ABCA7: variants seen among roughly 807,000 people sequenced by gnomAD.
ABCA7 encodes the protein phospholipid-transporting ATPase ABCA7.
Under a neutral mutation model 227.6 loss-of-function variants are expected in ABCA7, and 261 were observed. That is an observed-to-expected ratio of 1.15 (90% confidence interval 1.04 to 1.27). The LOEUF is 1.27. Among genes scored for constraint, ABCA7 ranks in the 50% most tolerant of loss-of-function variants. The pLI, the probability that ABCA7 is intolerant of heterozygous loss-of-function variation, is 0.00. For missense variants in ABCA7, 3,331 were observed against 2,924.5 expected (o/e 1.14, Z -3.21); for synonymous variants, 1,488 against 1,279.7 (o/e 1.16, Z -3.47).
rs113206158 is a variant in ABCA7 at position 1,050,588 on chromosome 19, GGTGAAACA to G, written c.2553-325_2553-318del. On this transcript the variant is annotated intron_variant, in intron 18 of 46. Coordinates refer to ENST00000263094, the MANE Select transcript of ABCA7 (RefSeq NM_019112.4). ...AGATTGAGATCATCCTGGCTAACAT[GGTGAAACA>G]GTGAAACCCCGTCTCTACTAAAAAT... Among the ~76,000 whole-genome samples the G allele has an allele frequency of 2.9e-3, 434 of 151,192 alleles. 5 individuals are homozygous for G. The highest frequency in any genetic ancestry group is 9.7e-3 in the African/African-American group (400 of 41,228).
intron 18 of ABCA7, 23 bp downstream of exon 18, chr19:1,049,460 C>T: frequency 1.4e-6 from 2 of 1,464,712 alleles, no homozygotes; most frequent in Non-Finnish European, 1.8e-6. Context: ...CCACTCCCTC[C>T]CCGTGAGCCC....
At chr19:1,048,734 G>C (rs1599606508) in intron 16 of ABCA7, among the ~76,000 whole-genome samples, 161 bp from the exon 17 acceptor site, 1 of 150,178 alleles carries the variant, frequency 6.7e-6, no homozygotes, top group South Asian at 2.1e-4. Flanking sequence ...ACGTGAACTG[G>C]GGAGGCGGAG....
chr19:1,059,764 A>G (rs978161299), intron 40 of ABCA7, among the ~76,000 whole-genome samples: 6 of 131,950 alleles, frequency 4.5e-5, no homozygotes, highest in South Asian at 5.0e-4. Flanking sequence ...GGGCTTCACC[A>G]TATTAGCCAG....
chr19:1,044,899 C>A, intron 11 of ABCA7, 103 bp from the exon 12 acceptor site: 1 of 1,507,718 alleles, frequency 6.6e-7, no homozygotes, highest in South Asian at 1.2e-5. Flanking sequence ...CGTGGGCCTA[C>A]GAGGGGAAAA....
chr19:1,055,973 C>G (rs774249068), intron 31 of ABCA7, 34 bp downstream of exon 31: 32 of 1,572,160 alleles, frequency 2.0e-5, no homozygotes, highest in Non-Finnish European at 2.8e-5. Context: ...TCCCCTGCCC[C>G]AGTTCCACTC....
At chr19:1,047,719 G>T in intron 16 of ABCA7, 65 bp downstream of exon 16, 6 of 1,485,578 alleles carry the variant, frequency 4.0e-6, no homozygotes, top group Non-Finnish European at 5.4e-6. Flanking sequence ...TGAGCTAGGG[G>T]TGTGGCCTCC....
rs371383152 is a variant in ABCA7 at position 1,054,185 on chromosome 19, C to T, written c.3578-8C>T. 3.5e-5 allele frequency: 56 copies of T among 1,610,202 alleles called. No individual in the cohort carries two copies. Among genetic ancestry groups the T allele is most frequent in the Non-Finnish European group, 4.4e-5 (52 of 1,178,364 alleles). On this transcript the variant is annotated splice_region_variant and splice_polypyrimidine_tract_variant and intron_variant, in intron 26 of 46. Transcript: ENST00000263094. The surrounding 1 kb of genome is among the most constrained non-coding windows in gnomAD (Gnocchi z 4.8). ...CAGCGTGAGCACTGACCCTCTCATCCCTCACAGCTGGGTCAGCCCCAGAGA... is the reference window on the plus strand; with the variant it reads ...CAGCGTGAGCACTGACCCTCTCATCTCTCACAGCTGGGTCAGCCCCAGAGA...
rs1427275199 is a variant in ABCA7 at position 1,051,260 on chromosome 19, C to T, written c.2790C>T (p.Val930=). The T allele has an allele frequency of 1.2e-6, 2 of 1,607,708 alleles. No homozygotes were observed. Among genetic ancestry groups the T allele is most frequent in the African/African-American group, 2.7e-5 (2 of 75,016 alleles). Residue 930 remains valine, a synonymous_variant, in exon 20 of 47, where the codon GTC becomes GTT. Transcript: ENST00000263094. ...GTCTGCTGCAGGATGTGGGGCTGGT[C>T]TCCAAGCAGAGTGTGCAGACTCGCC... ...QDRLLQDVGL[V]SKQSVQTRHL... is the part of the protein sequence containing the mutation.
At position 1,045,401 on chromosome 19, in the gene ABCA7, G is replaced by C. The variant is rs1011294473; in HGVS notation, c.1445+170G>C. The C allele has an allele frequency of 4.4e-6, 3 of 682,694 alleles. No homozygotes were observed. The African/African-American group carries it at 5.5e-5, about 13-fold the overall frequency. The allele number at this position is 682,694 out of a possible 1,614,324, so 42.3% of individuals were successfully genotyped here. ...GGGCTCCTTAGACCAATAGGGGCCC[G>C]TGATGGGCGGGGCCTAGGTGCATGA... On this transcript the variant is annotated intron_variant, in intron 12 of 46. Transcript: ENST00000263094.
chr19:1,057,448 C>T lies in ABCA7; in HGVS notation c.4880+19C>T, dbSNP rs1396994984. 1 of 1,599,780 alleles carries T rather than the reference C, an allele frequency of 6.3e-7. No individual in the cohort carries two copies. On this transcript the variant is annotated intron_variant, in intron 35 of 46. Coordinates refer to ENST00000263094, the MANE Select transcript of ABCA7 (RefSeq NM_019112.4). ...TGTATGGGTGAGGCCCCCAGTCCCT[C>T]AGGGCCTATTCTTACTGACCCCTTA...
chr19:1,046,628 C>T (rs1449985930), intron 13 of ABCA7, among the ~76,000 whole-genome samples, 174 bp from the exon 14 acceptor site: 1 of 152,212 alleles, frequency 6.6e-6, no homozygotes, highest in East Asian at 1.9e-4. Flanking sequence ...CAGGGACAGC[C>T]TGGGCTGCAC....
At chr19:1,057,147 C>T (rs2042328492) in intron 34 of ABCA7, 63 bp downstream of exon 34, 3 of 1,572,926 alleles carry the variant, frequency 1.9e-6, no homozygotes, top group South Asian at 1.2e-5. Flanking sequence ...TGTCTGGCCC[C>T]TTGTAGGCAG....
rs2040140932 is a variant in ABCA7 at position 1,042,403 on chromosome 19, G to A, written c.498+6G>A. ...TGACGTCACTGCTGCGCACGGTAGG[G>A]TGTCGGGGCGGGACCGCGCTGACTT... On this transcript the variant is annotated splice_donor_region_variant and intron_variant, in intron 6 of 46. Coordinates refer to ENST00000263094, the MANE Select transcript of ABCA7 (RefSeq NM_019112.4). The A allele has an allele frequency of 6.2e-7, 1 of 1,610,492 alleles. No individual in the cohort carries two copies.
chr19:1,063,299 C>G (rs2042801993), intron 42 of ABCA7, among the ~76,000 whole-genome samples: 1 of 114,128 alleles, frequency 8.8e-6, no homozygotes. Context: ...TATGGCCCTG[C>G]CCCACACCCA....
Position 1,046,792 on chromosome 19 carries a change from C to T in ABCA7, c.1623-10C>T, listed in dbSNP as rs1344743105. 1.3e-6 allele frequency: 2 copies of T among 1,535,494 alleles called. No individual in the cohort carries two copies. The highest frequency in any genetic ancestry group is 1.7e-6 in the Non-Finnish European group (2 of 1,145,974). ...GTCTCCAGCCTCCACCCCAGCCGTC[C>T]CCACCCCAGGTTCCTGCGTGTGCTG... On this transcript the variant is annotated splice_polypyrimidine_tract_variant and intron_variant, in intron 13 of 46. Coordinates refer to ENST00000263094, the MANE Select transcript of ABCA7 (RefSeq NM_019112.4).
chr19:1,057,116 A>G, intron 34 of ABCA7, 32 bp downstream of exon 34: 1 of 1,598,596 alleles, frequency 6.3e-7, no homozygotes, highest in South Asian at 1.1e-5. Context: ...GTGGGGGCCC[A>G]GCCACTGCTT....
intron 40 of ABCA7, among the ~76,000 whole-genome samples, chr19:1,061,576 G>A (rs769608007): frequency 5.7e-4 from 86 of 151,634 alleles, no homozygotes; most frequent in Non-Finnish European, 1.0e-3. Context: ...GCAGGCGTCT[G>A]TAGCCCCAGC....
rs779361772 is a variant in ABCA7 at position 1,049,304 on chromosome 19, G to C, written c.2419G>C (p.Val807Leu). ...EEAPPGLSPG[V>L]SVRSLEKRFP... ...GGCACCGCCCGGCCTGAGTCCTGGC[G>C]TCTCCGTTCGCAGCCTGGAGAAGCG... Residue 807 changes from valine to leucine, a missense_variant, in exon 18 of 47, where the codon GTC becomes CTC. Val to Leu is a conservative substitution (Grantham distance 32, BLOSUM62 1). Coordinates refer to ENST00000263094, the MANE Select transcript of ABCA7 (RefSeq NM_019112.4). 1 of 1,611,098 alleles carries C rather than the reference G, an allele frequency of 6.2e-7. No individual in the cohort carries two copies. The highest frequency in any genetic ancestry group is 1.7e-5 in the Admixed American group (1 of 59,900).
At position 1,056,303 on chromosome 19, in the gene ABCA7, G is replaced by T; in HGVS notation, c.4417-27G>T. The T allele has an allele frequency of 6.2e-7, 1 of 1,609,230 alleles. No homozygotes were observed. On this transcript the variant is annotated intron_variant, in intron 32 of 46. Coordinates refer to ENST00000263094, the MANE Select transcript of ABCA7 (RefSeq NM_019112.4). This position sits in a 1 kb window ranked among gnomAD's most constrained non-coding sequence, Gnocchi z 4.3. ...CAGCAAGGTCCAACCCCATTGCTCT[G>T]ACCCTATGACCTTGACCCCCACCCA...
Sources: gnomAD v4.1 joint callset for allele counts (sites outside exome capture counted in the v4.1 genomes callset) on GRCh38, gnomAD v4.1.1 for gene constraint, Gnocchi (gnomAD v3.1) non-coding constraint, MANE v1.5 for transcripts, NCBI Gene and HGNC (gene_info 2026-07-23, HGNC 2026-07-21) for gene names.